Variants in CLRN1 observed in about 807,000 individuals in gnomAD.
CLRN1 encodes clarin-1.
A neutral mutation model predicts 18.7 loss-of-function variants in CLRN1; 15 were observed. The ratio of observed to expected loss-of-function variants is 0.80; its 90% CI spans 0.54 to 1.23. The LOEUF (loss-of-function observed/expected upper bound fraction) is 1.23, where lower values mean the gene tolerates loss of function less well. Ranked by LOEUF, CLRN1 falls within the 50% of genes most tolerant of loss-of-function variation. The pLI is 0.00. For synonymous variants in CLRN1, 104 were observed against 102.9 expected (o/e 1.01, Z -0.07); for missense variants, 311 against 277.5 (o/e 1.12, Z -0.86).
intron 1 of CLRN1, among the ~76,000 whole-genome samples, chr3:150,957,278 C>T (rs1028030300): frequency 6.6e-6 from 1 of 151,676 alleles, no homozygotes; most frequent in Non-Finnish European, 1.5e-5. Flanking sequence ...CACACCACCC[C>T]ACCCGAAGCC....
Position 150,927,898 on chromosome 3 carries a change from AG to A in CLRN1, c.*37del. 6.2e-7 allele frequency: 1 copy of A among 1,612,916 alleles called. No homozygotes were observed. Among genetic ancestry groups the A allele is most frequent in the Non-Finnish European group, 8.5e-7 (1 of 1,179,326 alleles). On this transcript the variant is annotated 3_prime_UTR_variant, in exon 3 of 3. Coordinates refer to ENST00000327047, the MANE Select transcript of CLRN1 (RefSeq NM_174878.3). ...ACCACATCTAAAAGTGACCAAAGCA[AG>A]TCTACTCCCTTGTAAAATTATAGAA...
chr3:150,963,320 A>G (rs1307623881), intron 1 of CLRN1, among the ~76,000 whole-genome samples: 13 of 152,328 alleles, frequency 8.5e-5, no homozygotes, highest in African/African-American at 2.9e-4. Context: ...CACAATTGCT[A>G]CAAAGAGAAC....
intron 2 of CLRN1, among the ~76,000 whole-genome samples, chr3:150,930,287 G>C (rs1423020848): frequency 6.6e-6 from 1 of 152,090 alleles, no homozygotes; most frequent in Non-Finnish European, 1.5e-5. Context: ...AGGAGCTACG[G>C]TGCAAGTGAC....
At chr3:150,940,056 C>G (rs1431279269) in intron 2 of CLRN1, among the ~76,000 whole-genome samples, 1 of 152,210 alleles carries the variant, frequency 6.6e-6, no homozygotes, top group African/African-American at 2.4e-5. Context: ...AAGTTAACAT[C>G]TCCTTTCTAG....
intron 1 of CLRN1, among the ~76,000 whole-genome samples, chr3:150,964,270 A>T (rs910276048): frequency 2.0e-5 from 3 of 152,250 alleles, no homozygotes; most frequent in Non-Finnish European, 2.9e-5. Context: ...ACTTCTCAAA[A>T]GAAGACATTT....
At chr3:150,944,083 G>T (rs538070115) in intron 1 of CLRN1, 2 of 635,082 alleles carry the variant, frequency 3.1e-6, no homozygotes, top group Admixed American at 2.4e-5. Context: ...CTGAGTGGAT[G>T]GGCATGGTCA....
intron 1 of CLRN1, among the ~76,000 whole-genome samples, chr3:150,971,038 A>G (rs756739272): frequency 2.6e-5 from 4 of 152,206 alleles, no homozygotes; most frequent in Non-Finnish European, 5.9e-5. Context: ...GCTCCAGAAA[A>G]TTCACCAGTA....
At chr3:150,947,790 T>C (rs1221062753) in intron 1 of CLRN1, among the ~76,000 whole-genome samples, 2 of 152,222 alleles carry the variant, frequency 1.3e-5, no homozygotes, top group Non-Finnish European at 2.9e-5. Context: ...AACAACATGT[T>C]CCTGAATGAC....
chr3:150,927,919 A>C lies in CLRN1; in HGVS notation c.*17T>G. 1 of 1,614,016 alleles carries C rather than the reference A, an allele frequency of 6.2e-7. No individual in the cohort carries two copies. The highest frequency in any genetic ancestry group is 8.5e-7 in the Non-Finnish European group (1 of 1,179,986). On this transcript the variant is annotated 3_prime_UTR_variant, in exon 3 of 3. Transcript: ENST00000327047. ...AGCAAGTCTACTCCCTTGTAAAATT[A>C]TAGAAAGGTTTGCCTTTCAGTACAT...
At chr3:150,946,010 C>T (rs377163817) in intron 1 of CLRN1, among the ~76,000 whole-genome samples, 21 of 152,200 alleles carry the variant, frequency 1.4e-4, no homozygotes, top group African/African-American at 4.3e-4. Context: ...TTGGAAATAA[C>T]GTACATGTTT....
At chr3:150,969,911 G>T (rs946503471) in intron 1 of CLRN1, among the ~76,000 whole-genome samples, 1 of 152,170 alleles carries the variant, frequency 6.6e-6, no homozygotes, top group African/African-American at 2.4e-5. Context: ...AGGAGGGGTA[G>T]TTGCAGTGAG....
rs532163123 is a variant in CLRN1, at chr3:150,953,731, T to G, written c.254-11970A>C. On this transcript the variant is annotated intron_variant, in intron 1 of 2. Transcript: ENST00000327047. ...CAGGGTTTCACCATGTTGACCAGGCTAGTCTTGAACTCCTGTCCTCAAGTG... is the reference window on the plus strand; with the variant it reads ...CAGGGTTTCACCATGTTGACCAGGCGAGTCTTGAACTCCTGTCCTCAAGTG... Among the ~76,000 whole-genome samples, 12 of 152,284 alleles carry G rather than the reference T, an allele frequency of 7.9e-5. No homozygotes were observed. The East Asian group carries it at 9.7e-4, about 12-fold the overall frequency.
Position 150,926,706 on chromosome 3 carries a change from CT to C in CLRN1, c.*1229del. 2.3e-6 allele frequency: 3 copies of C among 1,322,624 alleles called. No homozygotes were observed. The highest frequency in any genetic ancestry group is 3.3e-6 in the Non-Finnish European group (3 of 920,992). The allele number at this position is 1,322,624 out of a possible 1,614,324, so 81.9% of individuals were successfully genotyped here. Reference sequence around the variant, plus strand: ...AAACAGTGTTTTATTTTAAGGAGTACTTTCAAACCTATTATATGAGGGCTGC... The same window carrying C: ...AAACAGTGTTTTATTTTAAGGAGTACTTCAAACCTATTATATGAGGGCTGC... On this transcript the variant is annotated 3_prime_UTR_variant, in exon 3 of 3. Coordinates refer to ENST00000327047, the MANE Select transcript of CLRN1 (RefSeq NM_174878.3).
At chr3:150,961,666 T>C (rs900068476) in intron 1 of CLRN1, among the ~76,000 whole-genome samples, 1 of 152,146 alleles carries the variant, frequency 6.6e-6, no homozygotes, top group Non-Finnish European at 1.5e-5. Flanking sequence ...TTTAAAAAAG[T>C]ATTTGGCCTC....
intron 1 of CLRN1, among the ~76,000 whole-genome samples, chr3:150,965,171 C>A (rs1160585672): frequency 2.0e-5 from 3 of 152,096 alleles, no homozygotes; most frequent in East Asian, 3.9e-4. Flanking sequence ...GCATGATTTA[C>A]CATATGCATA....
At chr3:150,961,819 A>G (rs958632727) in intron 1 of CLRN1, among the ~76,000 whole-genome samples, 13 of 152,206 alleles carry the variant, frequency 8.5e-5, no homozygotes, top group African/African-American at 2.9e-4. Flanking sequence ...ATTCTCTGAC[A>G]TCAGCTCAAT....
intron 1 of CLRN1, among the ~76,000 whole-genome samples, chr3:150,959,232 G>A (rs1467882304): frequency 6.6e-6 from 1 of 151,786 alleles, no homozygotes; most frequent in Non-Finnish European, 1.5e-5. Context: ...CACATCATGG[G>A]CACTCAATAA....
chr3:150,943,856 C>G, intron 1 of CLRN1: 1 of 1,614,192 alleles, frequency 6.2e-7, no homozygotes, highest in South Asian at 1.1e-5. Flanking sequence ...GAGTTTACTC[C>G]TCACAGCACT....
At chr3:150,958,969 T>C (rs1044546043) in intron 1 of CLRN1, among the ~76,000 whole-genome samples, 11 of 152,198 alleles carry the variant, frequency 7.2e-5, no homozygotes, top group Admixed American at 6.5e-5. Flanking sequence ...ATGGTGGCAG[T>C]ATCCTGGAAT....
Sources: allele counts gnomAD v4.1 joint callset (sites outside exome capture counted in the v4.1 genomes callset), GRCh38; gene constraint gnomAD v4.1.1; transcripts MANE v1.5; gene names NCBI Gene and HGNC (gene_info 2026-07-23, HGNC 2026-07-21).